ARID4B: variants seen among roughly 807,000 people sequenced by gnomAD.
The protein encoded by ARID4B is AT-rich interaction domain 4B.
In ARID4B, 26 loss-of-function variants were observed where a neutral mutation model predicts 147.5. That is an observed-to-expected ratio of 0.18 (90% CI 0.13 to 0.24). ARID4B has a LOEUF of 0.24. ARID4B is among the 10% of genes least tolerant of loss of function. The probability of loss-of-function intolerance (pLI) is 1.00; values close to 1 mark genes in which losing one functional copy is unlikely to be tolerated. For synonymous variants in ARID4B, 512 were observed against 507.9 expected, an observed-to-expected ratio of 1.01 and a Z score of -0.11; for missense variants, 1,179 against 1,511.5, an observed-to-expected ratio of 0.78 and a Z score of 3.65.
At chr1:235,211,395 G>A (rs1666712721) in intron 17 of ARID4B, among the ~76,000 whole-genome samples, 1 of 152,134 alleles carries the variant, frequency 6.6e-6, no homozygotes, top group Admixed American at 6.6e-5. Flanking sequence ...TACAGTGAAA[G>A]TTGGAGAACA....
intron 18 of ARID4B, among the ~76,000 whole-genome samples, chr1:235,194,697 T>C (rs1665370636): frequency 6.6e-6 from 1 of 152,036 alleles, no homozygotes; most frequent in Admixed American, 6.6e-5. Context: ...CGCATGCCTG[T>C]AATCCCAGCT....
chr1:235,199,154 C>A (rs1665706613), intron 17 of ARID4B, among the ~76,000 whole-genome samples: 1 of 152,020 alleles, frequency 6.6e-6, no homozygotes, highest in African/African-American at 2.4e-5. Flanking sequence ...TTAAGAAATT[C>A]CCTGAAAACT....
chr1:235,235,609 T>C lies in ARID4B; in HGVS notation c.586-1117A>G, dbSNP rs192269904. Among the ~76,000 whole-genome samples the C allele has an allele frequency of 6.6e-5, 10 of 152,268 alleles. No homozygotes were observed. The East Asian group carries it at 1.9e-3, about 29-fold the overall frequency. ...GGTCACTTTATCTCTTTGCTATCTC[T>C]GCAAGGTGAAGCTTTAAAAGGAGAT... On this transcript the variant is annotated intron_variant, in intron 8 of 23. Transcript: ENST00000264183.
chr1:235,193,873 A>G (rs2102958266), intron 19 of ARID4B, 140 bp downstream of exon 19: 3 of 565,358 alleles, frequency 5.3e-6, no homozygotes, highest in Non-Finnish European at 8.9e-6. Flanking sequence ...CAGTTAAGAG[A>G]TATTCAACCT....
At chr1:235,320,761 T>C (rs1368764333) in intron 2 of ARID4B, among the ~76,000 whole-genome samples, 1 of 152,196 alleles carries the variant, frequency 6.6e-6, no homozygotes, top group East Asian at 1.9e-4. Flanking sequence ...CACTCAAACA[T>C]GCCAAGCACA....
chr1:235,259,348 C>T (rs1216556570), intron 3 of ARID4B, among the ~76,000 whole-genome samples: 1 of 152,242 alleles, frequency 6.6e-6, no homozygotes, highest in African/African-American at 2.4e-5. Flanking sequence ...TGGAGTGACA[C>T]AGCTCCAGTC....
At chr1:235,305,099 G>A (rs1411045075) in intron 2 of ARID4B, among the ~76,000 whole-genome samples, 1 of 152,110 alleles carries the variant, frequency 6.6e-6, no homozygotes, top group Non-Finnish European at 1.5e-5. Flanking sequence ...GTATTATCTG[G>A]GTGAGCCCTA....
chr1:235,219,505 T>C (rs1358430307), intron 16 of ARID4B, among the ~76,000 whole-genome samples: 1 of 152,230 alleles, frequency 6.6e-6, no homozygotes, highest in Non-Finnish European at 1.5e-5. Context: ...CCCAAGTTTA[T>C]ATTATCAAGT....
chr1:235,172,006 C>A (rs2102893187), intron 23 of ARID4B, among the ~76,000 whole-genome samples: 1 of 152,232 alleles, frequency 6.6e-6, no homozygotes, highest in African/African-American at 2.4e-5. Context: ...AATATACTGA[C>A]CATTTGTAAT....
chr1:235,175,093 G>A (rs751612304), intron 22 of ARID4B, 91 bp downstream of exon 22: 54 of 1,158,460 alleles, frequency 4.7e-5, no homozygotes, highest in African/African-American at 3.5e-4. Flanking sequence ...GTGACAGAGC[G>A]AGACTCTGTC....
chr1:235,203,314 T>C (rs988301753), intron 17 of ARID4B, among the ~76,000 whole-genome samples: 8 of 152,212 alleles, frequency 5.3e-5, no homozygotes, highest in Non-Finnish European at 1.2e-4. Flanking sequence ...ACTACCAAAA[T>C]GGTTAATATG....
intron 20 of ARID4B, among the ~76,000 whole-genome samples, chr1:235,178,915 A>C (rs1289999781): frequency 1.3e-5 from 2 of 151,958 alleles, no homozygotes; most frequent in Non-Finnish European, 2.9e-5. Flanking sequence ...TTAAATTTTT[A>C]ATATTTCTTT....
chr1:235,239,658 G>T (rs1214518632), intron 8 of ARID4B, among the ~76,000 whole-genome samples: 1 of 152,148 alleles, frequency 6.6e-6, no homozygotes, highest in East Asian at 1.9e-4. Context: ...TTAACAGTTT[G>T]AAATACAAGA....
In ARID4B at chr1:235,220,561, G is replaced by A. The variant is rs376422996; in HGVS notation, c.1164-16C>T. The A allele has an allele frequency of 1.3e-6, 2 of 1,526,314 alleles. No individual in the cohort carries two copies. The highest frequency in any genetic ancestry group is 2.8e-5 in the African/African-American group (2 of 71,646). The allele number at this position is 1,526,314 out of a possible 1,614,324, so 94.5% of individuals were successfully genotyped here. On this transcript the variant is annotated splice_polypyrimidine_tract_variant and intron_variant, in intron 14 of 23. Transcript: ENST00000264183. Reference sequence around the variant, plus strand: ...ATATAAGTATCTGGAAACATGAAGAGAAATTACATTTGGTGAAAACATTTC... The same window carrying A: ...ATATAAGTATCTGGAAACATGAAGAAAAATTACATTTGGTGAAAACATTTC...
chr1:235,168,504 G>A lies in ARID4B; in HGVS notation c.*21C>T. On this transcript the variant is annotated 3_prime_UTR_variant, in exon 24 of 24. Coordinates refer to ENST00000264183, the MANE Select transcript of ARID4B (RefSeq NM_016374.6). ...GCCCTCAACAGCCATTAAGTGCAAA[G>A]TGCTTTAGCAAGTCCTGCTGTCACC... is the stretch of plus-strand genomic sequence containing the variant. 1.2e-6 allele frequency: 2 copies of A among 1,612,926 alleles called. No homozygotes were observed. Among genetic ancestry groups the A allele is most frequent in the Non-Finnish European group, 1.7e-6 (2 of 1,179,298 alleles).
chr1:235,274,476 G>T (rs1418508515), intron 2 of ARID4B, among the ~76,000 whole-genome samples: 1 of 152,112 alleles, frequency 6.6e-6, no homozygotes, highest in South Asian at 2.1e-4. Flanking sequence ...AAATGACCCA[G>T]AAAATGTTTA....
At chr1:235,260,859 A>G in intron 2 of ARID4B, 107 bp from the exon 3 acceptor site, 1 of 707,810 alleles carries the variant, frequency 1.4e-6, no homozygotes, top group Non-Finnish European at 2.3e-6. Flanking sequence ...AGTTATAAAT[A>G]TGAAATGTAT....
At position 235,206,167 on chromosome 1, in the gene ARID4B, G is replaced by A. The variant is rs75153001; in HGVS notation, c.1841+7602C>T. ...ATTTAGTACTTATCATATGCCAAAT[G>A]AATACTTTTCTAGATGTGGTAAGGG... On this transcript the variant is annotated intron_variant, in intron 17 of 23. Transcript: ENST00000264183. 5.6e-4 allele frequency among the ~76,000 whole-genome samples: 86 copies of A among 152,218 alleles called. 2 individuals are homozygous for A. In the East Asian group the frequency reaches 0.016, roughly 28 times the overall value.
intron 14 of ARID4B, among the ~76,000 whole-genome samples, chr1:235,221,019 T>G (rs1572011442): frequency 6.6e-6 from 1 of 152,212 alleles, no homozygotes; most frequent in East Asian, 1.9e-4. Flanking sequence ...TGCCTCAGCC[T>G]CCTGAGTAGC....
Sources: gnomAD v4.1 joint callset for allele counts (sites outside exome capture counted in the v4.1 genomes callset) on GRCh38, gnomAD v4.1.1 for gene constraint, MANE v1.5 for transcripts, NCBI Gene and HGNC (gene_info 2026-07-23, HGNC 2026-07-21) for gene names.